The following FMN1 variants were observed in gnomAD, a reference collection of about 807,000 sequenced individuals.
The protein encoded by FMN1 is formin-1.
In FMN1, 110 loss-of-function variants were observed where a neutral mutation model predicts 132.4. The ratio of observed to expected loss-of-function variants is 0.83; its 90% CI spans 0.71 to 0.97. The LOEUF (loss-of-function observed/expected upper bound fraction) is 0.97, where lower values mean the gene tolerates loss of function less well. FMN1 is among the 50% of genes least tolerant of loss of function. The pLI, the probability that FMN1 is intolerant of heterozygous loss-of-function variation, is 0.00. For missense variants in FMN1, 1,792 were observed against 1,705.3 expected (o/e 1.05, Z -0.90); for synonymous variants, 722 against 651.7 (o/e 1.11, Z -1.64).
rs2056193400 is a variant in FMN1, at chr15:32,770,410, AT to A, written c.*3899del. 1 of 15,370 alleles carries A rather than the reference AT, an allele frequency of 6.5e-5. No individual in the cohort carries two copies. The highest frequency in any genetic ancestry group is 1.0e-4 in the African/African-American group (1 of 9,898). The allele number at this position is 15,370 out of a possible 1,614,324, so 1.0% of individuals were successfully genotyped here. ...TGAAAATTTCTCTGTTGCAAACATCATAGAGAAAATGTGCAATCCCAGGCCA... is the reference window on the plus strand; with the variant it reads ...TGAAAATTTCTCTGTTGCAAACATCAAGAGAAAATGTGCAATCCCAGGCCA... On this transcript the variant is annotated 3_prime_UTR_variant, in exon 21 of 21. Transcript: ENST00000616417.
intron 15 of FMN1, among the ~76,000 whole-genome samples, chr15:32,895,510 T>C (rs113396939): frequency 2.6e-3 from 394 of 152,278 alleles, no homozygotes; most frequent in Non-Finnish European, 4.5e-3. Context: ...AAGTGTGCCC[T>C]TTATAGGATG....
rs1177435372 is a variant in FMN1 at position 33,154,189 on chromosome 15, C to T, written c.726G>A (p.Lys242=). ...RRESCPPDIP[K]TPDTDLGFGS... is the part of the protein sequence containing the mutation. ...CAAAGCCAAGGTCTGTGTCTGGCGT[C>T]TTGGGAATATCTGGGGGGCAGCTCT... Residue 242 remains lysine (K), a synonymous_variant, in exon 4 of 21, where the codon AAG becomes AAA. Transcript: ENST00000616417. 1 of 1,536,416 alleles carries T rather than the reference C, an allele frequency of 6.5e-7. No individual in the cohort carries two copies. Among genetic ancestry groups the T allele is most frequent in the African/African-American group, 1.4e-5 (1 of 73,162 alleles).
intron 6 of FMN1, among the ~76,000 whole-genome samples, chr15:33,019,135 G>A (rs560261119): frequency 1.3e-5 from 2 of 152,104 alleles, no homozygotes; most frequent in Non-Finnish European, 2.9e-5. Flanking sequence ...ACAGAGAGCT[G>A]ATTGGTCTGT....
chr15:32,793,342 C>T (rs773623342), intron 19 of FMN1, among the ~76,000 whole-genome samples: 15 of 151,916 alleles, frequency 9.9e-5, no homozygotes, highest in African/African-American at 1.7e-4. Flanking sequence ...TGCAGTGGCG[C>T]GATCTCGGCT....
chr15:32,845,022 T>C (rs1205944679), intron 17 of FMN1, among the ~76,000 whole-genome samples: 3 of 152,244 alleles, frequency 2.0e-5, no homozygotes, highest in African/African-American at 7.2e-5. Flanking sequence ...TTGGACATTG[T>C]CTGCGAAACT....
intron 20 of FMN1, among the ~76,000 whole-genome samples, chr15:32,775,295 T>C (rs1162352449): frequency 6.6e-6 from 1 of 152,130 alleles, no homozygotes; most frequent in Non-Finnish European, 1.5e-5. Flanking sequence ...TTACAAGCTC[T>C]TCCCTGATTT....
chr15:33,044,900 T>C (rs2036607254), intron 6 of FMN1, among the ~76,000 whole-genome samples: 2 of 152,298 alleles, frequency 1.3e-5, no homozygotes, highest in East Asian at 1.9e-4. Context: ...CTTCCTGTTG[T>C]GAGACAAGAA....
chr15:33,052,527 T>C (rs2037024501), intron 6 of FMN1, among the ~76,000 whole-genome samples: 1 of 152,174 alleles, frequency 6.6e-6, no homozygotes, highest in East Asian at 1.9e-4. Context: ...AATTCTCTGA[T>C]GTCAACTGGG....
At position 33,076,615 on chromosome 15, in the gene FMN1, C is replaced by T. The variant is rs768198093; in HGVS notation, c.2044-11541G>A. On this transcript the variant is annotated intron_variant, in intron 5 of 20. Transcript: ENST00000616417. ...GTTCTTTATGCAAGTTTTCTTGCAG[C>T]CTCACCCTCTCCATAACTCTATGAG... is the stretch of plus-strand genomic sequence containing the variant. Among the ~76,000 whole-genome samples, 55 of 152,114 alleles carry T rather than the reference C, an allele frequency of 3.6e-4. 1 individual carries two copies. Among genetic ancestry groups the T allele is most frequent in the Non-Finnish European group, 7.2e-4 (49 of 68,028 alleles).
chr15:32,922,251 G>A (rs761249377), intron 10 of FMN1, among the ~76,000 whole-genome samples: 69 of 152,150 alleles, frequency 4.5e-4, no homozygotes, highest in Non-Finnish European at 9.4e-4. Flanking sequence ...AGGCAAGCAG[G>A]CAGTTTTGTC....
chr15:33,018,717 T>TTC lies in FMN1; in HGVS notation c.2162-10644_2162-10643dup, dbSNP rs551927007. Among the ~76,000 whole-genome samples, 615 of 152,212 alleles carry TTC rather than the reference T, an allele frequency of 4.0e-3. 25 individuals carry two copies. In the South Asian group the frequency reaches 0.084, roughly 21 times the overall value. On this transcript the variant is annotated intron_variant, in intron 6 of 20. Coordinates refer to ENST00000616417, the MANE Select transcript of FMN1 (RefSeq NM_001277313.2). Reference sequence around the variant, plus strand: ...CGGACCCTTGCCATGACTGTTACGGTTCTTAAAGGTGGCGTGTCCGGAGTT... The same window carrying TTC: ...CGGACCCTTGCCATGACTGTTACGGTTCTCTTAAAGGTGGCGTGTCCGGAGTT...
intron 4 of FMN1, among the ~76,000 whole-genome samples, chr15:33,109,331 A>C (rs150199603): frequency 0.02 from 3,061 of 152,224 alleles, 63 homozygotes; most frequent in South Asian, 0.094. Flanking sequence ...AAAAATAAAC[A>C]ACCAATGAGT....
intron 5 of FMN1, among the ~76,000 whole-genome samples, chr15:33,087,679 C>T (rs1039984162): frequency 6.6e-6 from 1 of 152,110 alleles, no homozygotes; most frequent in South Asian, 2.1e-4. Flanking sequence ...AGTCATTATA[C>T]GAAAAAGATA....
At chr15:33,044,325 G>T (rs2036578851) in intron 6 of FMN1, among the ~76,000 whole-genome samples, 1 of 152,232 alleles carries the variant, frequency 6.6e-6, no homozygotes, top group Non-Finnish European at 1.5e-5. Flanking sequence ...TTCAAGCTGG[G>T]GAAGGTCTGA....
At chr15:33,119,475 G>C (rs1371469076) in intron 4 of FMN1, among the ~76,000 whole-genome samples, 1 of 152,202 alleles carries the variant, frequency 6.6e-6, no homozygotes, top group African/African-American at 2.4e-5. Context: ...TGCCACCCAG[G>C]AGGAGACTCT....
At chr15:33,050,374 T>C (rs556346413) in intron 6 of FMN1, among the ~76,000 whole-genome samples, 12 of 151,732 alleles carry the variant, frequency 7.9e-5, no homozygotes, top group African/African-American at 2.9e-4. Flanking sequence ...AAGATTCCAA[T>C]ACATACAATG....
chr15:32,776,952 G>A (rs780347166), intron 19 of FMN1, 33 bp from the exon 20 acceptor site: 4 of 1,307,656 alleles, frequency 3.1e-6, no homozygotes, highest in South Asian at 2.5e-5. Flanking sequence ...ACAGGGGAGA[G>A]AGGGAAAAGA....
intron 10 of FMN1, among the ~76,000 whole-genome samples, chr15:32,912,283 TG>T (rs2060580209): frequency 6.6e-6 from 1 of 152,204 alleles, no homozygotes; most frequent in Admixed American, 6.5e-5. Flanking sequence ...TATTGTCAGC[TG>T]TGCCCCTTCC....
intron 5 of FMN1, among the ~76,000 whole-genome samples, chr15:33,071,306 CCTAT>C (rs1439898652): frequency 2.0e-5 from 3 of 152,096 alleles, no homozygotes; most frequent in East Asian, 1.9e-4. Flanking sequence ...ACCTAGCTGG[CCTAT>C]CTATCTAACA....
Sources: gnomAD v4.1 joint callset for allele counts (sites outside exome capture counted in the v4.1 genomes callset) on GRCh38, gnomAD v4.1.1 for gene constraint, MANE v1.5 for transcripts, NCBI Gene and HGNC (gene_info 2026-07-23, HGNC 2026-07-21) for gene names.